LOC128462377: variants seen among roughly 807,000 people sequenced by gnomAD.
At chr16:89,355,763 C>T in the LOC128462377 span, among the ~76,000 whole-genome samples, 11 of 152,346 alleles carry the variant, frequency 7.2e-5, no homozygotes, top group East Asian at 7.7e-4. Flanking sequence ...TGTTACTGAG[C>T]GCAGCCTGAC....
At chr16:89,408,278 C>T in the LOC128462377 span, among the ~76,000 whole-genome samples, 10 of 152,236 alleles carry the variant, frequency 6.6e-5, no homozygotes, top group Non-Finnish European at 8.8e-5. Flanking sequence ...AAGTGGCAGC[C>T]CTTCCACATT....
chr16:89,355,715 T>C, the LOC128462377 span, among the ~76,000 whole-genome samples: 189 of 152,328 alleles, frequency 1.2e-3, 2 homozygotes, highest in East Asian at 0.033. Flanking sequence ...TTGAACTTCA[T>C]CTTGTTATGA....
At chr16:89,339,068 G>A in the LOC128462377 span, among the ~76,000 whole-genome samples, 2 of 152,192 alleles carry the variant, frequency 1.3e-5, no homozygotes, top group Non-Finnish European at 1.5e-5. Context: ...CAGGAGGACA[G>A]ACGTCCTGGG....
the LOC128462377 span, among the ~76,000 whole-genome samples, chr16:89,368,479 C>T: frequency 3.2e-3 from 467 of 145,554 alleles, 4 homozygotes; most frequent in East Asian, 0.011. Context: ...CCTCGGCCTC[C>T]GAAGTGCTGG....
chr16:89,332,462 C>A, the LOC128462377 span, among the ~76,000 whole-genome samples: 3 of 152,226 alleles, frequency 2.0e-5, no homozygotes, highest in Non-Finnish European at 4.4e-5. Flanking sequence ...ACCCGCAGCT[C>A]TGGGGAGAAA....
the LOC128462377 span, among the ~76,000 whole-genome samples, chr16:89,395,535 T>C: frequency 1.3e-5 from 2 of 152,218 alleles, no homozygotes; most frequent in East Asian, 3.9e-4. Context: ...CGAATCTTAC[T>C]TGTCCATGAG....
chr16:89,339,187 C>G, the LOC128462377 span, among the ~76,000 whole-genome samples: 2 of 152,202 alleles, frequency 1.3e-5, no homozygotes, highest in Non-Finnish European at 1.5e-5. Context: ...TCCTGTGATG[C>G]CTGCCAAAAG....
the LOC128462377 span, among the ~76,000 whole-genome samples, chr16:89,330,909 T>C: frequency 6.6e-6 from 1 of 152,208 alleles, no homozygotes. Context: ...TAGTGCCATA[T>C]GCCCTGAGGA....
the LOC128462377 span, among the ~76,000 whole-genome samples, chr16:89,363,622 C>G: frequency 6.7e-6 from 1 of 150,306 alleles, no homozygotes; most frequent in African/African-American, 2.5e-5. Flanking sequence ...TTCAAACGCA[C>G]TCTGTGTGCC....
the LOC128462377 span, among the ~76,000 whole-genome samples, chr16:89,345,239 T>C: frequency 2.7e-5 from 4 of 150,888 alleles, no homozygotes; most frequent in Non-Finnish European, 5.9e-5. Flanking sequence ...AAAAAACATA[T>C]TACAAGCCCC....
the LOC128462377 span, among the ~76,000 whole-genome samples, chr16:89,358,850 G>A: frequency 3.3e-5 from 5 of 151,584 alleles, no homozygotes; most frequent in African/African-American, 1.2e-4. Context: ...TTTGAGAATA[G>A]GGTCTCCCTC....
the LOC128462377 span, among the ~76,000 whole-genome samples, chr16:89,374,790 GA>G: frequency 1.3e-5 from 2 of 152,316 alleles, no homozygotes; most frequent in East Asian, 3.9e-4. Flanking sequence ...CGTGTGCACA[GA>G]GCTGACCCCG....
chr16:89,341,855 T>TCCA, the LOC128462377 span, among the ~76,000 whole-genome samples: 8 of 141,882 alleles, frequency 5.6e-5, no homozygotes, highest in African/African-American at 2.3e-4. Context: ...GTGCTGCACC[T>TCCA]CCACCCACAG....
the LOC128462377 span, among the ~76,000 whole-genome samples, chr16:89,337,227 G>A: frequency 6.6e-6 from 1 of 151,516 alleles, no homozygotes; most frequent in East Asian, 1.9e-4. Context: ...AACGCCAAAC[G>A]CACAGATTAA....
chr16:89,387,898 T>G, the LOC128462377 span, among the ~76,000 whole-genome samples: 1 of 147,924 alleles, frequency 6.8e-6, no homozygotes, highest in African/African-American at 2.5e-5. Context: ...TCTCCCCAAC[T>G]ACTGGGGAGA....
the LOC128462377 span, among the ~76,000 whole-genome samples, chr16:89,407,852 CAAAAAAAAAAAA>C: frequency 3.7e-3 from 417 of 111,434 alleles, 6 homozygotes; most frequent in African/African-American, 0.013. Context: ...TGTCTCCCTC[CAAAAAAAAAAAA>C]AAAAAAAAAG....
At chr16:89,324,213 C>G in the LOC128462377 span, 1 of 1,193,898 alleles carries the variant, frequency 8.4e-7, no homozygotes, top group Non-Finnish European at 1.1e-6. Context: ...TTCAGCATTA[C>G]TGGCCTCTGC....
chr16:89,383,612 C>T, the LOC128462377 span, among the ~76,000 whole-genome samples: 809 of 152,276 alleles, frequency 5.3e-3, 5 homozygotes, highest in Non-Finnish European at 8.5e-3. Flanking sequence ...CATGGTGTCA[C>T]GTCGAGCCCC....
At chr16:89,323,346 A>C in the LOC128462377 span, 1 of 1,288,408 alleles carries the variant, frequency 7.8e-7, no homozygotes, top group Non-Finnish European at 1.0e-6. Context: ...ATGGAAGAGA[A>C]GCACCACTGG....
Sources: gnomAD v4.1 joint callset for allele counts (sites outside exome capture counted in the v4.1 genomes callset) on GRCh38, gnomAD v4.1.1 for gene constraint, MANE v1.5 for transcripts.